ADCY2: variants seen among roughly 807,000 people sequenced by gnomAD.
ADCY2 encodes adenylate cyclase 2.
ADCY2 carries 31 observed loss-of-function variants against 125.2 expected under a neutral mutation model. The observed-to-expected ratio is 0.25, with a 90% CI of 0.19 to 0.33. ADCY2 has a LOEUF of 0.33. ADCY2 is among the 10% of genes least tolerant of loss of function. The pLI, the probability that ADCY2 is intolerant of heterozygous loss-of-function variation, is 1.00. For synonymous variants in ADCY2, 512 were observed against 548.4 expected (o/e 0.93, Z 0.93); for missense variants, 904 against 1,418.2 (o/e 0.64, Z 5.82).
At chr5:7,745,001 T>C (rs1051558609) in intron 15 of ADCY2, among the ~76,000 whole-genome samples, 1 of 151,870 alleles carries the variant, frequency 6.6e-6, no homozygotes, top group Non-Finnish European at 1.5e-5. Context: ...CTCTCAGGAG[T>C]ATTGTGGCTT....
chr5:7,802,371 A>G lies in ADCY2; in HGVS notation c.2775+7A>G. 6.2e-7 allele frequency: 1 copy of G among 1,613,748 alleles called. No individual in the cohort carries two copies. Among genetic ancestry groups the G allele is most frequent in the Non-Finnish European group, 8.5e-7 (1 of 1,179,778 alleles). On this transcript the variant is annotated splice_region_variant and intron_variant, in intron 21 of 24. Coordinates refer to ENST00000338316, the MANE Select transcript of ADCY2 (RefSeq NM_020546.3). This position sits in a 1 kb window ranked among gnomAD's most constrained non-coding sequence, Gnocchi z 4.6. ...CATCGCTGACTTTGATGATGTAGGTACTGAGAGTTGCCCTCGAAGGGCAGC... is the reference window on the plus strand; with the variant it reads ...CATCGCTGACTTTGATGATGTAGGTGCTGAGAGTTGCCCTCGAAGGGCAGC...
chr5:7,526,603 A>G (rs1277598828), intron 3 of ADCY2, among the ~76,000 whole-genome samples: 3 of 152,236 alleles, frequency 2.0e-5, no homozygotes, highest in Non-Finnish European at 4.4e-5. Flanking sequence ...CAACTATTAT[A>G]TATCAATAAA....
At chr5:7,414,204 C>T (rs995318182) in intron 1 of ADCY2, among the ~76,000 whole-genome samples, 4 of 152,078 alleles carry the variant, frequency 2.6e-5, no homozygotes, top group East Asian at 1.9e-4. Context: ...TTTCTAAGGC[C>T]GGGGTTTTTC....
At chr5:7,501,393 A>C (rs116721223) in intron 2 of ADCY2, among the ~76,000 whole-genome samples, 1 of 152,206 alleles carries the variant, frequency 6.6e-6, no homozygotes, top group Non-Finnish European at 1.5e-5. Flanking sequence ...GTCATTCAAC[A>C]AAAGAAATTA....
At chr5:7,428,837 C>G (rs566279462) in intron 2 of ADCY2, among the ~76,000 whole-genome samples, 1 of 152,284 alleles carries the variant, frequency 6.6e-6, no homozygotes, top group South Asian at 2.1e-4. Context: ...AAAAAGTGAA[C>G]TCTAGGATTG....
intron 4 of ADCY2, among the ~76,000 whole-genome samples, chr5:7,663,021 T>C (rs1484392993): frequency 6.6e-6 from 1 of 152,224 alleles, no homozygotes; most frequent in African/African-American, 2.4e-5. Context: ...CAATTGATTG[T>C]CAAACATCTG....
chr5:7,462,512 C>A (rs1473860703), intron 2 of ADCY2, among the ~76,000 whole-genome samples: 1 of 152,152 alleles, frequency 6.6e-6, no homozygotes, highest in East Asian at 1.9e-4. Flanking sequence ...TACTTCCTCT[C>A]ATTATTAAAA....
Position 7,766,749 on chromosome 5 carries a change from T to A in ADCY2, c.2157T>A (p.Phe719Leu). ...CTGCCAACACAACAAACACAAGCTT[T>A]TCAGCCTCAAATAATCAGGTGGCGA... ...PPTANTTNTS[F>L]SASNNQVAIL... Residue 719 changes from phenylalanine to leucine, a missense_variant, in exon 17 of 25, where the codon TTT (phenylalanine) becomes TTA (leucine). Phe to Leu is a conservative substitution (Grantham distance 22, BLOSUM62 0). Transcript: ENST00000338316. The A allele has an allele frequency of 6.2e-7, 1 of 1,612,742 alleles. No individual in the cohort carries two copies.
At chr5:7,486,793 G>A (rs918560897) in intron 2 of ADCY2, among the ~76,000 whole-genome samples, 6 of 152,162 alleles carry the variant, frequency 3.9e-5, no homozygotes, top group African/African-American at 1.2e-4. Context: ...AAATGAGATC[G>A]ATCAGAAGTT....
intron 4 of ADCY2, among the ~76,000 whole-genome samples, chr5:7,680,277 C>T (rs2973328): frequency 0.98 from 149,281 of 152,244 alleles, 73,254 homozygotes; most frequent in East Asian, 1. Flanking sequence ...TCTCAGTCTA[C>T]TGGACAGATG....
At chr5:7,652,446 G>A (rs917335066) in intron 4 of ADCY2, among the ~76,000 whole-genome samples, 3 of 152,112 alleles carry the variant, frequency 2.0e-5, no homozygotes, top group African/African-American at 4.8e-5. Flanking sequence ...TTTTTAAAGC[G>A]TGGCCGTATA....
Position 7,518,400 on chromosome 5 carries a change from A to G in ADCY2, c.409-2338A>G, listed in dbSNP as rs191124951. Among the ~76,000 whole-genome samples the G allele has an allele frequency of 3.2e-4, 49 of 152,298 alleles. 1 individual carries two copies. Among genetic ancestry groups the G allele is most frequent in the Admixed American group, 2.6e-3 (40 of 15,304 alleles). ...CTTCCCAGCCAAACTTTGCATTTTT[A>G]TACATAAACGGTCTAAGACAATACT... On this transcript the variant is annotated intron_variant, in intron 2 of 24. Transcript: ENST00000338316.
chr5:7,591,266 C>T (rs1736842920), intron 3 of ADCY2, among the ~76,000 whole-genome samples: 1 of 152,100 alleles, frequency 6.6e-6, no homozygotes, highest in Admixed American at 6.5e-5. Flanking sequence ...TGCAATGAAA[C>T]TTGTTTGTAA....
rs763347773 is a variant in ADCY2 at position 7,573,593 on chromosome 5, C to CTTTTTTTTTTTTTTTTTTTTTTTTTT, written c.571-52549_571-52548insTTTTTTTTTTTTTTTTTTTTTTTTTT. ...GCCTCTGGGATACAGGGTTGATTTTCTTTTTTTTTTTTTTTTTTTTTTTTT... is the reference window on the plus strand; with the variant it reads ...GCCTCTGGGATACAGGGTTGATTTTCTTTTTTTTTTTTTTTTTTTTTTTTTTTTTTTTTTTTTTTTTTTTTTTTTTT... On this transcript the variant is annotated intron_variant, in intron 3 of 24. Coordinates refer to ENST00000338316, the MANE Select transcript of ADCY2 (RefSeq NM_020546.3). Among the ~76,000 whole-genome samples, 22 of 86,360 alleles carry CTTTTTTTTTTTTTTTTTTTTTTTTTT rather than the reference C, an allele frequency of 2.5e-4. 1 individual carries two copies. Among genetic ancestry groups the CTTTTTTTTTTTTTTTTTTTTTTTTTT allele is most frequent in the Non-Finnish European group, 3.8e-4 (16 of 41,872 alleles). The allele number at this position is 86,360 out of a possible 152,430, so 56.7% of individuals were successfully genotyped here. A position where few individuals can be genotyped will look rare whatever the true frequency, so the allele number is the denominator to read the frequency against.
chr5:7,448,391 G>A (rs1242856385), intron 2 of ADCY2, among the ~76,000 whole-genome samples: 1 of 152,188 alleles, frequency 6.6e-6, no homozygotes, highest in Non-Finnish European at 1.5e-5. Flanking sequence ...GTCTCTCTCT[G>A]TGTAGCAGAT....
chr5:7,487,940 T>C (rs1743002493), intron 2 of ADCY2, among the ~76,000 whole-genome samples: 1 of 152,204 alleles, frequency 6.6e-6, no homozygotes, highest in Non-Finnish European at 1.5e-5. Flanking sequence ...GGTGAAAACT[T>C]GTGTATTCAA....
chr5:7,487,774 C>T lies in ADCY2; in HGVS notation c.409-32964C>T, dbSNP rs144726226. 2.5e-3 allele frequency among the ~76,000 whole-genome samples: 383 copies of T among 152,274 alleles called. 3 individuals are homozygous for T. Among genetic ancestry groups the T allele is most frequent in the African/African-American group, 8.9e-3 (369 of 41,558 alleles). The stretch of plus-strand genomic sequence containing the variant: ...ATTATTCCACTTTTGATGAGAATAA[C>T]CCATCTGACATGAAACCATTTAAAA... On this transcript the variant is annotated intron_variant, in intron 2 of 24. Coordinates refer to ENST00000338316, the MANE Select transcript of ADCY2 (RefSeq NM_020546.3).
intron 2 of ADCY2, among the ~76,000 whole-genome samples, chr5:7,513,306 G>A (rs1029720201): frequency 1.3e-5 from 2 of 152,190 alleles, no homozygotes; most frequent in Non-Finnish European, 2.9e-5. Flanking sequence ...TTACACAGTT[G>A]TGATATTTGT....
chr5:7,403,990 G>A (rs1038589340), intron 1 of ADCY2, among the ~76,000 whole-genome samples: 32 of 149,450 alleles, frequency 2.1e-4, no homozygotes, highest in South Asian at 4.3e-4. Flanking sequence ...TTACTAAAGC[G>A]CTGTAATAAG....
Sources: allele counts gnomAD v4.1 joint callset (sites outside exome capture counted in the v4.1 genomes callset), GRCh38; gene constraint gnomAD v4.1.1; non-coding constraint Gnocchi (gnomAD v3.1); transcripts MANE v1.5; gene names NCBI Gene and HGNC (gene_info 2026-07-23, HGNC 2026-07-21).